Variants in EHBP1 observed in about 807,000 individuals in gnomAD.
EHBP1 encodes the protein EH domain binding protein 1, also known as EH domain-binding protein 1.
Under a neutral mutation model 144.0 loss-of-function variants are expected in EHBP1, and 55 were observed. That is an observed-to-expected ratio of 0.38 (90% CI 0.31 to 0.48). The LOEUF (loss-of-function observed/expected upper bound fraction) is 0.48. Among genes scored for constraint, EHBP1 ranks in the 20% least tolerant of loss-of-function variants. EHBP1 has a pLI of 0.98. For synonymous variants in EHBP1, 469 were observed against 472.7 expected (o/e 0.99, Z 0.10); for missense variants, 1,200 against 1,364.2 (o/e 0.88, Z 1.90).
chr2:62,779,248 A>C (rs1343621075), intron 5 of EHBP1, among the ~76,000 whole-genome samples: 1 of 152,128 alleles, frequency 6.6e-6, no homozygotes, highest in Non-Finnish European at 1.5e-5. Context: ...AACCTAATCA[A>C]ATTTCCACTA....
At chr2:62,873,031 T>C (rs1323724375) in intron 9 of EHBP1, among the ~76,000 whole-genome samples, 1 of 152,202 alleles carries the variant, frequency 6.6e-6, no homozygotes, top group African/African-American at 2.4e-5. Context: ...TGTGGAGATA[T>C]TAATTTTCTT....
intron 3 of EHBP1, among the ~76,000 whole-genome samples, chr2:62,763,155 A>G (rs2040894574): frequency 6.6e-6 from 1 of 151,880 alleles, no homozygotes; most frequent in South Asian, 2.1e-4. Context: ...CATCTTCTCA[A>G]TGAAGTCTTC....
intron 1 of EHBP1, among the ~76,000 whole-genome samples, chr2:62,692,650 G>T (rs1030441609): frequency 6.6e-6 from 1 of 152,048 alleles, no homozygotes. Flanking sequence ...ATCTTTTCAA[G>T]TGCTTGTTGG....
At chr2:62,798,727 G>A (rs533038385) in intron 5 of EHBP1, among the ~76,000 whole-genome samples, 21 of 151,664 alleles carry the variant, frequency 1.4e-4, no homozygotes, top group South Asian at 1.3e-3. Flanking sequence ...TAGGAAGGCC[G>A]GGAGCGGTGG....
chr2:62,886,062 A>G (rs1379384857), intron 10 of EHBP1, among the ~76,000 whole-genome samples: 1 of 152,220 alleles, frequency 6.6e-6, no homozygotes, highest in Non-Finnish European at 1.5e-5. Flanking sequence ...AACTCACAGC[A>G]GTCTTACTTA....
chr2:62,812,619 G>A (rs2045107358), intron 5 of EHBP1, among the ~76,000 whole-genome samples: 1 of 152,110 alleles, frequency 6.6e-6, no homozygotes, highest in African/African-American at 2.4e-5. Context: ...TTGGGTACTG[G>A]AATAAAGACC....
chr2:62,702,310 A>G (rs1261432829), upstream of EHBP1, among the ~76,000 whole-genome samples: 1 of 152,236 alleles, frequency 6.6e-6, no homozygotes, highest in Non-Finnish European at 1.5e-5. Flanking sequence ...TTTTGCAGTC[A>G]ACAACCTGGG....
At chr2:63,011,278 G>A (rs191996787) in intron 19 of EHBP1, among the ~76,000 whole-genome samples, 145 of 151,426 alleles carry the variant, frequency 9.6e-4, no homozygotes, top group Non-Finnish European at 1.8e-3. Context: ...TTGGTCATTT[G>A]TGAAAAACAT....
At chr2:62,935,320 C>G (rs1177224418) in intron 10 of EHBP1, among the ~76,000 whole-genome samples, 1 of 132,406 alleles carries the variant, frequency 7.6e-6, no homozygotes, top group Non-Finnish European at 1.6e-5. Flanking sequence ...CAGAGCGAGA[C>G]TCCATCTCAA....
At position 63,045,175 on chromosome 2, in the gene EHBP1, G is replaced by A. The variant is rs1018501126; in HGVS notation, c.3387G>A (p.Glu1129=). The A allele has an allele frequency of 6.3e-7, 1 of 1,583,676 alleles. No individual in the cohort carries two copies. The highest frequency in any genetic ancestry group is 8.6e-7 in the Non-Finnish European group (1 of 1,164,002). The change falls in exon 22 of 23, where the codon GAG becomes GAA. Residue 1129 remains glutamate, a synonymous_variant. Transcript: ENST00000431489. The surrounding 1 kb of genome is among the most constrained non-coding windows in gnomAD (Gnocchi z 5.7). Reference sequence around the variant, plus strand: ...TCGTCAGGGACCTGGACGCGCAGGAGAAGCAGTGAGTGGGCAGTGGGGTCG... The same window carrying A: ...TCGTCAGGGACCTGGACGCGCAGGAAAAGCAGTGAGTGGGCAGTGGGGTCG... ...DALVRDLDAQ[E]KQAEEEDEHL... is the part of the protein sequence containing the mutation.
At chr2:62,762,269 G>A (rs1284235614) in intron 3 of EHBP1, among the ~76,000 whole-genome samples, 1 of 152,104 alleles carries the variant, frequency 6.6e-6, no homozygotes, top group Admixed American at 6.6e-5. Context: ...GCCTTTGCTG[G>A]CTTCTTCATT....
intron 1 of EHBP1, among the ~76,000 whole-genome samples, chr2:62,688,483 A>G (rs901887917): frequency 6.6e-6 from 1 of 152,152 alleles, no homozygotes; most frequent in Non-Finnish European, 1.5e-5. Flanking sequence ...TTGTATTGGG[A>G]ACATTCAATA....
At chr2:62,828,746 A>G (rs1399185314) in intron 6 of EHBP1, among the ~76,000 whole-genome samples, 1 of 152,192 alleles carries the variant, frequency 6.6e-6, no homozygotes, top group Non-Finnish European at 1.5e-5. Context: ...TAAACTCTAG[A>G]TCTTATCTGA....
chr2:62,756,938 A>G (rs1014659436), intron 3 of EHBP1, among the ~76,000 whole-genome samples: 8 of 152,302 alleles, frequency 5.3e-5, no homozygotes, highest in African/African-American at 1.7e-4. Flanking sequence ...ATGACATTTC[A>G]GAATGATTGA....
upstream of EHBP1, among the ~76,000 whole-genome samples, chr2:62,705,431 T>C (rs1159085418): frequency 1.3e-5 from 2 of 151,650 alleles, no homozygotes; most frequent in Non-Finnish European, 1.5e-5. Context: ...CTCCCGCCTA[T>C]CGCTTCCCTC....
chr2:62,995,484 A>G (rs1237924283), intron 18 of EHBP1, among the ~76,000 whole-genome samples: 1 of 152,128 alleles, frequency 6.6e-6, no homozygotes, highest in East Asian at 1.9e-4. Context: ...CATAATTAAC[A>G]TAATTCTTTA....
intron 6 of EHBP1, among the ~76,000 whole-genome samples, chr2:62,829,210 T>A (rs1234517621): frequency 1.3e-5 from 2 of 152,164 alleles, no homozygotes; most frequent in Non-Finnish European, 2.9e-5. Context: ...TTAAATTTTT[T>A]AAATTATGTT....
At chr2:62,811,736 A>G (rs963355405) in intron 5 of EHBP1, among the ~76,000 whole-genome samples, 67 of 152,330 alleles carry the variant, frequency 4.4e-4, no homozygotes, top group African/African-American at 1.5e-3. Flanking sequence ...AAAAACTTCT[A>G]AGGTCTCTTC....
intron 7 of EHBP1, among the ~76,000 whole-genome samples, chr2:62,841,037 A>G (rs2047794840): frequency 6.6e-6 from 1 of 152,170 alleles, no homozygotes; most frequent in Non-Finnish European, 1.5e-5. Flanking sequence ...AGAGACATGC[A>G]CACATATGTT....
Sources: allele counts gnomAD v4.1 joint callset (sites outside exome capture counted in the v4.1 genomes callset), GRCh38; gene constraint gnomAD v4.1.1; non-coding constraint Gnocchi (gnomAD v3.1); transcripts MANE v1.5; gene names NCBI Gene and HGNC (gene_info 2026-07-23, HGNC 2026-07-21).